SULT1A1: variants seen among roughly 807,000 people sequenced by gnomAD.
The protein encoded by SULT1A1 is sulfotransferase 1A1.
In SULT1A1, 35 loss-of-function variants were observed where a neutral mutation model predicts 36.8. The ratio of observed to expected loss-of-function variants is 0.95; its 90% confidence interval spans 0.73 to 1.26. The LOEUF (loss-of-function observed/expected upper bound fraction) is 1.26, where lower values mean the gene tolerates loss of function less well. Among genes scored for constraint, SULT1A1 ranks in the 50% most tolerant of loss-of-function variants. The pLI, the probability that SULT1A1 is intolerant of heterozygous loss-of-function variation, is 0.00. For missense variants in SULT1A1, 309 were observed against 383.0 expected, an observed-to-expected ratio of 0.81 and a Z score of 1.61; for synonymous variants, 119 against 146.0, an observed-to-expected ratio of 0.82 and a Z score of 1.33.
chr16:28,609,452 C>G, intron 1 of SULT1A1: 2 of 1,238,482 alleles, frequency 1.6e-6, no homozygotes, highest in Non-Finnish European at 2.1e-6. Context: ...TGGGAATGAA[C>G]AAAACTCTGA....
chr16:28,621,113 CA>C lies in SULT1A1; in HGVS notation c.68-981del, dbSNP rs919560397. Among the ~76,000 whole-genome samples, 146 of 129,638 alleles carry C rather than the reference CA, an allele frequency of 1.1e-3. 1 individual carries two copies. Among genetic ancestry groups the C allele is most frequent in the Admixed American group, 3.2e-3 (41 of 12,808 alleles). 85.0% of individuals were successfully genotyped at this position (129,638 alleles called of 152,430 possible). A position where few individuals can be genotyped will look rare whatever the true frequency, so the allele number is the denominator to read the frequency against. ...GATGATAAAGCGAGACTCTGTCTCC[CA>C]AAAAAAAAAAGAAAAGAAAAAGAGA... On this transcript the variant is annotated intron_variant, in intron 1 of 5. Transcript: ENST00000350842.
upstream of SULT1A1, chr16:28,610,974 G>GA (rs34863946): frequency 3.2e-3 from 429 of 134,808 alleles, 2 homozygotes; most frequent in Middle Eastern, 0.016. Flanking sequence ...GAGTGTGGGG[G>GA]AAGCTGAGGC....
intron 2 of SULT1A1, chr16:28,619,960 C>G: frequency 1.0e-6 from 1 of 1,003,656 alleles, no homozygotes; most frequent in Non-Finnish European, 1.4e-6. Flanking sequence ...CAAAAAGTTA[C>G]TGATTGTATA....
chr16:28,622,042 C>T (rs2047666476), intron 1 of SULT1A1, among the ~76,000 whole-genome samples: 1 of 152,152 alleles, frequency 6.6e-6, no homozygotes, highest in Admixed American at 6.5e-5. Context: ...CATTACCATG[C>T]TAAAGTCTTC....
chr16:28,607,230 C>T, intron 4 of SULT1A1, 153 bp from the exon 5 acceptor site: 1 of 1,379,112 alleles, frequency 7.3e-7, no homozygotes, highest in Non-Finnish European at 9.8e-7. Context: ...AGGAGCTGAA[C>T]CCTGCTCAGA....
At chr16:28,607,823 C>A (rs2047277240) in intron 4 of SULT1A1, 1 of 153,186 alleles carries the variant, frequency 6.5e-6, no homozygotes, top group Non-Finnish European at 1.4e-5. Flanking sequence ...TGCCACCATG[C>A]CCTGCTGATA....
chr16:28,609,758 G>GA (rs1238398314), intron 1 of SULT1A1, 173 bp downstream of exon 1: 17 of 820,056 alleles, frequency 2.1e-5, no homozygotes, highest in South Asian at 1.6e-4. Flanking sequence ...CCTCCCCGGG[G>GA]AAAAAAACAA....
intron 2 of SULT1A1, among the ~76,000 whole-genome samples, chr16:28,618,200 G>A (rs117264168): frequency 0.038 from 5,810 of 151,848 alleles, 146 homozygotes; most frequent in Non-Finnish European, 0.059. Context: ...ACTATGCCCA[G>A]CTAATTTATT....
At chr16:28,611,084 C>T (rs1050940198), upstream of SULT1A1, 1 of 152,418 alleles carries the variant, frequency 6.6e-6, no homozygotes, top group Non-Finnish European at 1.5e-5. Flanking sequence ...CTGGCAGGTC[C>T]TCAGGCTACT....
At chr16:28,616,497 T>C (rs1463189340) in intron 2 of SULT1A1, among the ~76,000 whole-genome samples, 3 of 152,062 alleles carry the variant, frequency 2.0e-5, no homozygotes, top group Admixed American at 6.6e-5. Flanking sequence ...CATTTTGGTC[T>C]GGCTGGTCTC....
intron 1 of SULT1A1, 65 bp downstream of exon 1, chr16:28,609,866 G>A: frequency 8.1e-7 from 1 of 1,230,660 alleles, no homozygotes; most frequent in South Asian, 1.4e-5. Context: ...CTCAGCTTCT[G>A]GAATGTTAGA....
chr16:28,616,098 G>T (rs929919676), intron 2 of SULT1A1, among the ~76,000 whole-genome samples: 3 of 152,070 alleles, frequency 2.0e-5, no homozygotes, highest in African/African-American at 7.2e-5. Flanking sequence ...TGGTGGCCCT[G>T]TCCAGGCATA....
At chr16:28,606,715 C>T (rs1247950796) in intron 6 of SULT1A1, 46 bp downstream of exon 6, 4 of 1,603,126 alleles carry the variant, frequency 2.5e-6, no homozygotes, top group Admixed American at 3.4e-5. Context: ...TGTGAGGTGC[C>T]TGCCCCCAGG....
In SULT1A1 at chr16:28,609,956, T is replaced by TG; in HGVS notation, c.-31dup. ...CTGAGCTCTTGGGAACCTGGCCTCG[T>TG]GCCCTCCTCGCCCGCAGTGGCTGAT... On this transcript the variant is annotated 5_prime_UTR_variant, in exon 1 of 8. Coordinates refer to ENST00000314752, the MANE Select transcript of SULT1A1 (RefSeq NM_001055.4). 1 of 1,288,112 alleles carries TG rather than the reference T, an allele frequency of 7.8e-7. No homozygotes were observed. Among genetic ancestry groups the TG allele is most frequent in the African/African-American group, 1.5e-5 (1 of 65,956 alleles). 79.8% of individuals were successfully genotyped at this position (1,288,112 alleles called of 1,614,324 possible).
At chr16:28,617,118 A>G (rs1390652974) in intron 2 of SULT1A1, among the ~76,000 whole-genome samples, 1 of 151,572 alleles carries the variant, frequency 6.6e-6, no homozygotes, top group Non-Finnish European at 1.5e-5. Context: ...TGGGCTCAGG[A>G]GATCCTCCCA....
In SULT1A1 at chr16:28,608,317, G is replaced by A. The variant is rs1362869835; in HGVS notation, c.346C>T (p.Gln116Ter). The A allele has an allele frequency of 2.2e-5, 35 of 1,612,256 alleles. 2 individuals carry two copies. Among genetic ancestry groups the A allele is most frequent in the Non-Finnish European group, 2.9e-5 (34 of 1,178,686 alleles). ...KTHLPLALLP[Q>*]TLLDQKVKVV... ...TTGACCTTCTGATCCAACAGAGTCT[G>A]GGGGAGCAGAGCCAGGGGCAGGTGT... Residue 116 changes from glutamine to a stop codon, truncating the protein, a stop_gained, in exon 4 of 8, where the codon CAG becomes TAG. Coordinates refer to ENST00000314752, the MANE Select transcript of SULT1A1 (RefSeq NM_001055.4). LOFTEE classifies it high-confidence loss of function.
In SULT1A1 at chr16:28,606,869, C is replaced by A; in HGVS notation, c.500-14G>T. On this transcript the variant is annotated splice_polypyrimidine_tract_variant and intron_variant, in intron 5 of 7. Transcript: ENST00000314752. Reference sequence around the variant, plus strand: ...ATCCGTAGGACACTGGAGAAGCAGGCAAGGGGTGCCAACACAGGGTTGCTG... The same window carrying A: ...ATCCGTAGGACACTGGAGAAGCAGGAAAGGGGTGCCAACACAGGGTTGCTG... 6.2e-7 allele frequency: 1 copy of A among 1,612,496 alleles called. No homozygotes were observed. Among genetic ancestry groups the A allele is most frequent in the East Asian group, 2.2e-5 (1 of 44,880 alleles).
chr16:28,609,801 GC>G, intron 1 of SULT1A1, 129 bp downstream of exon 1: 1 of 1,031,030 alleles, frequency 9.7e-7, no homozygotes, highest in Non-Finnish European at 1.3e-6. Context: ...ATTCACGCAG[GC>G]CAGGGTTGTC....
In SULT1A1 at chr16:28,607,001, G is replaced by A. The variant is rs1159958301; in HGVS notation, c.449C>T (p.Pro150Leu). The A allele has an allele frequency of 9.9e-6, 16 of 1,612,580 alleles. No individual in the cohort carries two copies. Among genetic ancestry groups the A allele is most frequent in the Non-Finnish European group, 1.3e-5 (15 of 1,178,748 alleles). The change falls in exon 5 of 8, where the codon CCT becomes CTT. Residue 150 changes from proline (P) to leucine (L), a missense_variant. Around this residue, in one of 3 missense-constraint regions of SULT1A1, gnomAD observed 219 missense variants for 215.3 expected, o/e 1.02. Coordinates refer to ENST00000314752, the MANE Select transcript of SULT1A1 (RefSeq NM_001055.4). ...YHFYHMAKVH[P>L]EPGTWDSFLE... is the part of the protein sequence containing the mutation. ...GAAGCTGTCCCAGGTCCCAGGCTCA[G>A]GGTGCACCTTGGCCATGTGGTAGAA...
Sources: allele counts gnomAD v4.1 joint callset (sites outside exome capture counted in the v4.1 genomes callset), GRCh38; gene constraint gnomAD v4.1.1; regional missense constraint gnomAD v4.1.1; transcripts MANE v1.5; gene names NCBI Gene and HGNC (gene_info 2026-07-23, HGNC 2026-07-21).